Variants in WWOX observed in about 807,000 individuals in gnomAD.
WWOX encodes the protein WW domain containing oxidoreductase, also known as WW domain-containing oxidoreductase.
Under a neutral mutation model 46.2 loss-of-function variants are expected in WWOX, and 69 were observed. The ratio of observed to expected loss-of-function variants is 1.49; its 90% CI spans 1.23 to 1.82. WWOX has a LOEUF of 1.82. WWOX is among the 40% of genes most tolerant of loss of function. WWOX has a pLI of 0.00. For missense variants in WWOX, 919 were observed against 542.6 expected, an observed-to-expected ratio of 1.69 and a Z score of -6.89; for synonymous variants, 359 against 202.6, an observed-to-expected ratio of 1.77 and a Z score of -6.56.
At chr16:78,597,312 A>C (rs763859551) in intron 8 of WWOX, among the ~76,000 whole-genome samples, 9 of 152,286 alleles carry the variant, frequency 5.9e-5, no homozygotes, top group Non-Finnish European at 8.8e-5. Context: ...ATTAGCACCT[A>C]CTGTGTGCCG....
chr16:78,640,924 G>A (rs1306948801), intron 8 of WWOX, among the ~76,000 whole-genome samples: 22 of 135,422 alleles, frequency 1.6e-4, no homozygotes, highest in Admixed American at 6.3e-4. Context: ...GGGTGACAGC[G>A]CGAGATTCTG....
At chr16:78,864,380 A>C (rs986918566) in intron 8 of WWOX, among the ~76,000 whole-genome samples, 2 of 151,222 alleles carry the variant, frequency 1.3e-5, no homozygotes, top group Non-Finnish European at 2.9e-5. Flanking sequence ...CCATCCTCCC[A>C]CCTCAGCCTC....
chr16:78,997,854 C>T (rs112735429), intron 8 of WWOX, among the ~76,000 whole-genome samples: 2 of 152,112 alleles, frequency 1.3e-5, no homozygotes, highest in Admixed American at 6.6e-5. Context: ...GAATGTTTTG[C>T]AGCCTAATGT....
chr16:78,328,695 A>G (rs963209641), intron 5 of WWOX, among the ~76,000 whole-genome samples: 2 of 152,184 alleles, frequency 1.3e-5, no homozygotes, highest in African/African-American at 2.4e-5. Context: ...ATGTGACTGG[A>G]CTTTTGACAA....
intron 8 of WWOX, among the ~76,000 whole-genome samples, chr16:79,033,267 C>A (rs947314610): frequency 6.9e-6 from 1 of 145,976 alleles, no homozygotes; most frequent in Non-Finnish European, 1.5e-5. Context: ...TTGTTATTGC[C>A]CCCACCAAAT....
At chr16:79,201,343 C>CTTTTT (rs5818210) in intron 8 of WWOX, among the ~76,000 whole-genome samples, 1 of 143,642 alleles carries the variant, frequency 7.0e-6, no homozygotes, top group African/African-American at 2.6e-5. Flanking sequence ...TTTTTCTTTT[C>CTTTTT]TTTTTTTTTT....
intron 8 of WWOX, among the ~76,000 whole-genome samples, chr16:79,105,369 G>T (rs2049287275): frequency 1.3e-5 from 2 of 152,016 alleles, no homozygotes; most frequent in Admixed American, 1.3e-4. Flanking sequence ...AGAGAAAAGG[G>T]CACCAACTCC....
intron 8 of WWOX, among the ~76,000 whole-genome samples, chr16:79,071,444 C>T (rs762659750): frequency 1.3e-5 from 2 of 152,178 alleles, no homozygotes; most frequent in African/African-American, 4.8e-5. Context: ...CCCTGTTACC[C>T]AAGAGAGTTC....
At chr16:79,028,958 C>G (rs1227852248) in intron 8 of WWOX, among the ~76,000 whole-genome samples, 2 of 151,690 alleles carry the variant, frequency 1.3e-5, no homozygotes, top group Non-Finnish European at 2.9e-5. Context: ...AAGAGCATAT[C>G]TAGTACCTAT....
chr16:78,825,417 A>T lies in WWOX; in HGVS notation c.1057-386191A>T, dbSNP rs56087110. 1,013 of 325,474 alleles carry T rather than the reference A, an allele frequency of 3.1e-3. 5 individuals carry two copies. The highest frequency in any genetic ancestry group is 0.023 in the East Asian group (309 of 13,500). 20.2% of individuals were successfully genotyped at this position (325,474 alleles called of 1,614,324 possible). A position where few individuals can be genotyped will look rare whatever the true frequency, so the allele number is the denominator to read the frequency against. On this transcript the variant is annotated intron_variant, in intron 8 of 8. Coordinates refer to ENST00000566780, the MANE Select transcript of WWOX (RefSeq NM_016373.4). ...AGGTTCAAGTTACACCCATCACGACAGTAACAAATATCTTAGCCAACAGAA... is the reference window on the plus strand; with the variant it reads ...AGGTTCAAGTTACACCCATCACGACTGTAACAAATATCTTAGCCAACAGAA...
At chr16:78,802,660 A>G (rs921042357) in intron 8 of WWOX, among the ~76,000 whole-genome samples, 1 of 151,980 alleles carries the variant, frequency 6.6e-6, no homozygotes, top group Non-Finnish European at 1.5e-5. Flanking sequence ...TCATGCCTGT[A>G]ATCCCAGCAC....
At chr16:78,485,397 T>A (rs2084607340) in intron 8 of WWOX, among the ~76,000 whole-genome samples, 1 of 152,082 alleles carries the variant, frequency 6.6e-6, no homozygotes, top group Admixed American at 6.5e-5. Context: ...GGGTTTCTTT[T>A]GAGGTTGAAG....
intron 8 of WWOX, among the ~76,000 whole-genome samples, chr16:78,573,877 A>G (rs1567654312): frequency 6.6e-6 from 1 of 152,206 alleles, no homozygotes; most frequent in Non-Finnish European, 1.5e-5. Flanking sequence ...GCACACATTT[A>G]TTATTTCATG....
chr16:78,190,314 A>G (rs1258147838), intron 5 of WWOX, among the ~76,000 whole-genome samples: 2 of 152,186 alleles, frequency 1.3e-5, no homozygotes, highest in Non-Finnish European at 2.9e-5. Flanking sequence ...AGGTGACGTC[A>G]ATCTGAGATG....
chr16:78,798,619 A>C (rs2142640062), intron 8 of WWOX, among the ~76,000 whole-genome samples: 1 of 148,936 alleles, frequency 6.7e-6, no homozygotes, highest in African/African-American at 2.5e-5. Context: ...AGAGATTTAC[A>C]GTGATCTTTC....
At chr16:78,686,563 A>G (rs1170216690) in intron 8 of WWOX, among the ~76,000 whole-genome samples, 2 of 151,998 alleles carry the variant, frequency 1.3e-5, no homozygotes, top group African/African-American at 2.4e-5. Context: ...TTCACCCCAG[A>G]AATCCTGAAT....
chr16:79,107,321 C>G (rs2049330927), intron 8 of WWOX, among the ~76,000 whole-genome samples: 1 of 151,586 alleles, frequency 6.6e-6, no homozygotes, highest in Non-Finnish European at 1.5e-5. Flanking sequence ...CTCCTGAGCT[C>G]AAGTGATCCG....
chr16:78,889,306 A>G (rs1464717406), intron 8 of WWOX, among the ~76,000 whole-genome samples: 1 of 151,532 alleles, frequency 6.6e-6, no homozygotes, highest in South Asian at 2.1e-4. Flanking sequence ...GCATAGTCAA[A>G]TGCTTTCTAT....
chr16:78,798,176 C>T (rs941941630), intron 8 of WWOX, among the ~76,000 whole-genome samples: 3 of 152,164 alleles, frequency 2.0e-5, no homozygotes, highest in African/African-American at 4.8e-5. Context: ...ACCAAAGCCA[C>T]GGCACCTTTG....
Sources: gnomAD v4.1 joint callset for allele counts (sites outside exome capture counted in the v4.1 genomes callset) on GRCh38, gnomAD v4.1.1 for gene constraint, MANE v1.5 for transcripts, NCBI Gene and HGNC (gene_info 2026-07-23, HGNC 2026-07-21) for gene names.